The following GNE variants were observed in gnomAD, a reference collection of about 807,000 sequenced individuals.
The protein encoded by GNE is bifunctional UDP-N-acetylglucosamine 2-epimerase/N-acetylmannosamine kinase.
A neutral mutation model predicts 61.8 loss-of-function variants in GNE; 41 were observed. The ratio of observed to expected loss-of-function variants is 0.66; its 90% CI spans 0.52 to 0.86. The LOEUF is 0.86. GNE is among the 40% of genes least tolerant of loss of function. The pLI is 0.00. For missense variants in GNE, 608 were observed against 909.1 expected (o/e 0.67, Z 4.26); for synonymous variants, 264 against 326.4 (o/e 0.81, Z 2.06).
At chr9:36,244,719 T>C (rs542942902) in intron 3 of GNE, among the ~76,000 whole-genome samples, 81 of 143,950 alleles carry the variant, frequency 5.6e-4, no homozygotes, top group African/African-American at 1.7e-3. Context: ...GGGCGGATTA[T>C]GAGGTCAGGA....
upstream of GNE, among the ~76,000 whole-genome samples, chr9:36,258,752 G>A (rs1467762954): frequency 1.3e-5 from 2 of 152,244 alleles, no homozygotes; most frequent in Admixed American, 6.5e-5. Flanking sequence ...TTCCCGCTGG[G>A]TAGTTGTTTT....
chr9:36,226,089 C>A (rs534209507), intron 7 of GNE, among the ~76,000 whole-genome samples: 2 of 152,238 alleles, frequency 1.3e-5, no homozygotes, highest in South Asian at 4.2e-4. Flanking sequence ...AATGGGAATG[C>A]CTCTAGAATT....
At chr9:36,253,153 CTCTA>C (rs1830179508) in intron 1 of GNE, among the ~76,000 whole-genome samples, 1 of 151,846 alleles carries the variant, frequency 6.6e-6, no homozygotes. Context: ...CAGAATAAGT[CTCTA>C]TCTAAATATA....
chr9:36,218,416 T>G lies in GNE; in HGVS notation c.1817-117A>C, dbSNP rs1312320026. 1.3e-6 allele frequency: 1 copy of G among 751,312 alleles called. No individual in the cohort carries two copies. Among genetic ancestry groups the G allele is most frequent in the African/African-American group, 1.7e-5 (1 of 58,568 alleles). The allele number at this position is 751,312 out of a possible 1,614,324, so 46.5% of individuals were successfully genotyped here. ...GAAGACGGTGTTTTCTTTTCACAAT[T>G]GCAAAGCTTATCGTTCACAAACATC... On this transcript the variant is annotated intron_variant, in intron 10 of 11. Transcript: ENST00000642385. The surrounding 1 kb of genome is among the most constrained non-coding windows in gnomAD (Gnocchi z 4.1).
intron 1 of GNE, among the ~76,000 whole-genome samples, chr9:36,252,411 G>A (rs1587353706): frequency 6.6e-6 from 1 of 152,232 alleles, no homozygotes; most frequent in East Asian, 1.9e-4. Flanking sequence ...TATTTAATTT[G>A]CTGAGGCAAA....
chr9:36,258,426 C>G lies in GNE; in HGVS notation c.-148G>C. 1 of 985,514 alleles carries G rather than the reference C, an allele frequency of 1.0e-6. No homozygotes were observed. The highest frequency in any genetic ancestry group is 1.7e-5 in the African/African-American group (1 of 57,386). The allele number at this position is 985,514 out of a possible 1,614,324, so 61.0% of individuals were successfully genotyped here. On this transcript the variant is annotated 5_prime_UTR_variant, in exon 1 of 12. Coordinates refer to ENST00000642385, the MANE Select transcript of GNE (RefSeq NM_005476.7). ...GAGCGCGAGCCTGCCCCTCGGTTTC[C>G]GCGCTCGGGCGCGCGGGTAGACGAC...
chr9:36,250,391 A>AGG (rs1830066122), intron 1 of GNE, among the ~76,000 whole-genome samples: 1 of 152,208 alleles, frequency 6.6e-6, no homozygotes, highest in African/African-American at 2.4e-5. Flanking sequence ...TATGTCCTAT[A>AGG]AACACCTTAA....
chr9:36,227,141 C>T (rs1239882729), intron 7 of GNE, 107 bp downstream of exon 7: 1 of 740,014 alleles, frequency 1.4e-6, no homozygotes, highest in Admixed American at 2.0e-5. Flanking sequence ...CAAATGATTA[C>T]AAGCTCTTGT....
upstream of GNE, among the ~76,000 whole-genome samples, chr9:36,260,868 CAAAAAAAAAAAAAA>C (rs745821430): frequency 1.4e-4 from 13 of 96,038 alleles, no homozygotes; most frequent in East Asian, 4.0e-4. Flanking sequence ...GACTCTATCT[CAAAAAAAAAAAAAA>C]AAAAAAAAAA....
At chr9:36,260,529 G>A (rs1830572479), upstream of GNE, among the ~76,000 whole-genome samples, 1 of 152,070 alleles carries the variant, frequency 6.6e-6, no homozygotes, top group African/African-American at 2.4e-5. Flanking sequence ...TGGTGTATTA[G>A]TTTCACATAT....
At chr9:36,227,525 A>G (rs1464060081) in intron 6 of GNE, 67 bp from the exon 7 acceptor site, 1 of 985,774 alleles carries the variant, frequency 1.0e-6, no homozygotes, top group Non-Finnish European at 1.6e-6. Flanking sequence ...TAGTGAGGGT[A>G]TAATGTAATG....
At chr9:36,244,567 A>G (rs1829782753) in intron 3 of GNE, among the ~76,000 whole-genome samples, 1 of 152,220 alleles carries the variant, frequency 6.6e-6, no homozygotes, top group Non-Finnish European at 1.5e-5. Context: ...AATCCCTTAT[A>G]TTAATAAGTA....
intron 7 of GNE, among the ~76,000 whole-genome samples, chr9:36,225,532 G>A (rs1216954477): frequency 6.6e-6 from 1 of 152,152 alleles, no homozygotes; most frequent in Non-Finnish European, 1.5e-5. Flanking sequence ...CTACTCAGGA[G>A]GCTGAAGCAC....
intron 6 of GNE, among the ~76,000 whole-genome samples, chr9:36,228,406 T>TA (rs1271813657): frequency 6.6e-6 from 1 of 151,994 alleles, no homozygotes; most frequent in Non-Finnish European, 1.5e-5. Context: ...CTAGACTTTT[T>TA]AAAAAAAATC....
At chr9:36,239,310 T>C (rs1160089350) in intron 3 of GNE, among the ~76,000 whole-genome samples, 1 of 152,168 alleles carries the variant, frequency 6.6e-6, no homozygotes, top group African/African-American at 2.4e-5. Flanking sequence ...AATCTGTAGA[T>C]TGCTTTTGGC....
At chr9:36,268,619 G>C (rs1262007771) in intron 1 of GNE, among the ~76,000 whole-genome samples, 5 of 152,124 alleles carry the variant, frequency 3.3e-5, no homozygotes, top group Non-Finnish European at 1.5e-5. Flanking sequence ...AGTGAGCCAT[G>C]ATCATGCCAC....
chr9:36,217,173 A>G lies in GNE; in HGVS notation c.*192T>C. On this transcript the variant is annotated 3_prime_UTR_variant, in exon 12 of 12. Transcript: ENST00000642385. ...CCCCTAGTAAGAAGACATCAGAAAG[A>G]ATAGCATCTACAAAAATAGGAGTGG... 1 of 627,672 alleles carries G rather than the reference A, an allele frequency of 1.6e-6. No homozygotes were observed. Among genetic ancestry groups the G allele is most frequent in the Non-Finnish European group, 2.9e-6 (1 of 349,992 alleles). The allele number at this position is 627,672 out of a possible 1,614,324, so 38.9% of individuals were successfully genotyped here.
rs1230672253 is a variant in GNE at position 36,214,972 on chromosome 9, T to C, written c.*2393A>G. ...TGTAGAAACCTTCATTTTCCCAAAA[T>C]AGAAATCTGAAAGATATATGCACAT... On this transcript the variant is annotated 3_prime_UTR_variant, in exon 12 of 12. Coordinates refer to ENST00000642385, the MANE Select transcript of GNE (RefSeq NM_005476.7). 1 of 152,156 alleles carries C rather than the reference T, an allele frequency of 6.6e-6. No individual in the cohort carries two copies. The highest frequency in any genetic ancestry group is 1.5e-5 in the Non-Finnish European group (1 of 68,018). 9.4% of individuals were successfully genotyped at this position (152,156 alleles called of 1,614,324 possible). A position where few individuals can be genotyped will look rare whatever the true frequency, so the allele number is the denominator to read the frequency against.
chr9:36,234,112 CT>C lies in GNE; in HGVS notation c.789del (p.Val264Ter). The C allele has an allele frequency of 6.2e-7, 1 of 1,613,562 alleles. No individual in the cohort carries two copies. Among genetic ancestry groups the C allele is most frequent in the Non-Finnish European group, 8.5e-7 (1 of 1,179,462 alleles). On this transcript the variant is annotated frameshift_variant, in exon 5 of 12. Coordinates refer to ENST00000642385, the MANE Select transcript of GNE (RefSeq NM_005476.7). LOFTEE classifies it high-confidence loss of function. ...NIDAGSKEMVRVMRKKGIEHH... is the reference protein window; with the variant it reads ...NIDAGSKEMVXVMRKKGIEHH... ...TGCTCAATGCCCTTCTTCCGCATCA[CT>C]CGAACCATCTCTTTGCTCCCTATGA...
Sources: allele counts gnomAD v4.1 joint callset (sites outside exome capture counted in the v4.1 genomes callset), GRCh38; gene constraint gnomAD v4.1.1; non-coding constraint Gnocchi (gnomAD v3.1); transcripts MANE v1.5; gene names NCBI Gene and HGNC (gene_info 2026-07-23, HGNC 2026-07-21).